PHC3: variants seen among roughly 807,000 people sequenced by gnomAD.
The protein encoded by PHC3 is polyhomeotic homolog 3, also known as polyhomeotic-like protein 3.
In PHC3, 13 loss-of-function variants were observed where a neutral mutation model predicts 107.4. The ratio of observed to expected loss-of-function variants is 0.12; its 90% confidence interval spans 0.08 to 0.19. PHC3 has a LOEUF of 0.19. Among genes scored for constraint, PHC3 ranks in the 10% least tolerant of loss-of-function variants. The pLI is 1.00. For synonymous variants in PHC3, 456 were observed against 427.4 expected (o/e 1.07, Z -0.83); for missense variants, 992 against 1,210.9 (o/e 0.82, Z 2.68).
intron 4 of PHC3, chr3:170,171,147 G>A: frequency 1.7e-6 from 1 of 571,924 alleles, no homozygotes; most frequent in East Asian, 2.9e-5. Flanking sequence ...CAGTGCAAAT[G>A]GATATACAAG....
At chr3:170,136,014 T>C (rs1262091976) in intron 7 of PHC3, among the ~76,000 whole-genome samples, 1 of 152,158 alleles carries the variant, frequency 6.6e-6, no homozygotes, top group East Asian at 1.9e-4. Context: ...TAATCCTATG[T>C]TTCAAAGTGA....
intron 4 of PHC3, among the ~76,000 whole-genome samples, chr3:170,161,534 T>C (rs1471095590): frequency 6.6e-6 from 1 of 152,176 alleles, no homozygotes; most frequent in Non-Finnish European, 1.5e-5. Context: ...CACGCTCCTA[T>C]GAGAATCTAA....
At chr3:170,146,535 C>CTTTTT (rs373420736) in intron 5 of PHC3, among the ~76,000 whole-genome samples, 23 of 123,490 alleles carry the variant, frequency 1.9e-4, no homozygotes, top group Non-Finnish European at 2.9e-4. Context: ...TTTTCTTTTT[C>CTTTTT]TTTTTTTTTT....
intron 10 of PHC3, among the ~76,000 whole-genome samples, chr3:170,116,127 T>C (rs895376649): frequency 6.6e-6 from 1 of 152,230 alleles, no homozygotes; most frequent in Admixed American, 6.5e-5. Flanking sequence ...CCTGTAGTGA[T>C]AGAGGACCTT....
At chr3:170,098,454 C>A (rs1714936112) in intron 14 of PHC3, among the ~76,000 whole-genome samples, 1 of 152,124 alleles carries the variant, frequency 6.6e-6, no homozygotes, top group Non-Finnish European at 1.5e-5. Context: ...TTGGATGCCA[C>A]AATTTTGCTA....
At chr3:170,129,689 A>AT in intron 7 of PHC3, 137 bp from the exon 8 acceptor site, 1 of 991,406 alleles carries the variant, frequency 1.0e-6, no homozygotes, top group Non-Finnish European at 1.4e-6. Flanking sequence ...AACAAGAGTA[A>AT]TTTGAAAAAA....
At chr3:170,150,703 A>T (rs1221972254) in intron 4 of PHC3, 1 of 428,048 alleles carries the variant, frequency 2.3e-6, no homozygotes, top group Non-Finnish European at 4.7e-6. Context: ...ACAGAGCGAC[A>T]CTCCATCTAA....
intron 4 of PHC3, chr3:170,170,143 C>T (rs1379894248): frequency 6.6e-6 from 1 of 151,884 alleles, no homozygotes; most frequent in East Asian, 1.9e-4. Context: ...AAAGACCATA[C>T]CCTTAGCTGA....
At chr3:170,139,202 C>T (rs978126443) in intron 6 of PHC3, among the ~76,000 whole-genome samples, 3 of 152,248 alleles carry the variant, frequency 2.0e-5, no homozygotes, top group African/African-American at 4.8e-5. Context: ...CCCTGCAGTT[C>T]GGTGCTGCAG....
intron 11 of PHC3, among the ~76,000 whole-genome samples, chr3:170,110,292 T>C (rs1403827858): frequency 1.3e-5 from 2 of 152,126 alleles, no homozygotes; most frequent in African/African-American, 4.8e-5. Flanking sequence ...CAAACTTGCT[T>C]GTCTAATATC....
intron 4 of PHC3, among the ~76,000 whole-genome samples, chr3:170,155,259 A>G (rs1726705519): frequency 6.6e-6 from 1 of 152,262 alleles, no homozygotes; most frequent in Non-Finnish European, 1.5e-5. Context: ...TACCCTAAAT[A>G]GAGAAACATT....
At chr3:170,157,424 T>A (rs1577202559) in intron 4 of PHC3, among the ~76,000 whole-genome samples, 1 of 152,242 alleles carries the variant, frequency 6.6e-6, no homozygotes, top group South Asian at 2.1e-4. Context: ...TTTTTACTTT[T>A]TCTGTACTGT....
intron 4 of PHC3, among the ~76,000 whole-genome samples, chr3:170,161,620 G>T (rs1449627267): frequency 6.6e-6 from 1 of 152,184 alleles, no homozygotes; most frequent in African/African-American, 2.4e-5. Context: ...CCTGCTGTGA[G>T]GCCCAGTTCC....
At chr3:170,150,778 C>G (rs958106339) in intron 4 of PHC3, 1 of 367,924 alleles carries the variant, frequency 2.7e-6, no homozygotes, top group African/African-American at 2.3e-5. Context: ...TAGAAGGATG[C>G]GTAAGAAACT....
At chr3:170,098,150 T>G (rs989113360) in intron 14 of PHC3, among the ~76,000 whole-genome samples, 1 of 152,176 alleles carries the variant, frequency 6.6e-6, no homozygotes, top group Non-Finnish European at 1.5e-5. Context: ...AATGCTAGTA[T>G]CTACCTGAAA....
chr3:170,165,823 T>C (rs1224452235), intron 4 of PHC3, among the ~76,000 whole-genome samples: 1 of 142,090 alleles, frequency 7.0e-6, no homozygotes, highest in African/African-American at 2.6e-5. Flanking sequence ...TTCAAAGAAG[T>C]CAGGCCCAGT....
Position 170,097,221 on chromosome 3 carries a change from A to T in PHC3, c.*9T>A. 1 of 1,594,008 alleles carries T rather than the reference A, an allele frequency of 6.3e-7. No homozygotes were observed. The highest frequency in any genetic ancestry group is 8.6e-7 in the Non-Finnish European group (1 of 1,166,434). ...AAAACTGCTGTTTTATCAAGGCTTC[A>T]TGTTCCTGTTAAGATTCCTTCAGAG... is the stretch of plus-strand genomic sequence containing the variant. On this transcript the variant is annotated 3_prime_UTR_variant, in exon 15 of 15. Transcript: ENST00000495893. The surrounding 1 kb of genome is among the most constrained non-coding windows in gnomAD (Gnocchi z 4.1).
intron 6 of PHC3, among the ~76,000 whole-genome samples, chr3:170,144,810 ATCC>A (rs201722135): frequency 0.012 from 1,855 of 152,286 alleles, 40 homozygotes; most frequent in African/African-American, 0.042. Context: ...GGCTCGAGCA[ATCC>A]TCCTGCCTCA....
intron 8 of PHC3, among the ~76,000 whole-genome samples, chr3:170,124,704 G>A (rs1361800648): frequency 1.3e-5 from 2 of 152,124 alleles, no homozygotes; most frequent in African/African-American, 4.8e-5. Context: ...ACATTCACAA[G>A]AAACCTTTCA....
Sources: gnomAD v4.1 joint callset for allele counts (sites outside exome capture counted in the v4.1 genomes callset) on GRCh38, gnomAD v4.1.1 for gene constraint, Gnocchi (gnomAD v3.1) non-coding constraint, MANE v1.5 for transcripts, NCBI Gene and HGNC (gene_info 2026-07-23, HGNC 2026-07-21) for gene names.